The following BORCS5 variants were observed in gnomAD, a reference collection of about 807,000 sequenced individuals.
BORCS5 encodes BLOC-1 related complex subunit 5, also known as BLOC-1-related complex subunit 5.
BORCS5 carries 17 observed loss-of-function variants against 22.1 expected under a neutral mutation model. The ratio of observed to expected loss-of-function variants is 0.77; its 90% confidence interval spans 0.53 to 1.15. BORCS5 has a LOEUF of 1.15. Among genes scored for constraint, BORCS5 ranks in the 50% most tolerant of loss-of-function variants. The probability of loss-of-function intolerance (pLI) is 0.00; values close to 1 mark genes in which losing one functional copy is unlikely to be tolerated. For synonymous variants in BORCS5, 117 were observed against 99.8 expected (o/e 1.17, Z -1.03); for missense variants, 247 against 253.2 (o/e 0.98, Z 0.17).
At chr12:12,380,050 C>A (rs6488519) in intron 2 of BORCS5, among the ~76,000 whole-genome samples, 23,898 of 150,842 alleles carry the variant, frequency 0.16, 6,118 homozygotes, top group African/African-American at 0.53. Flanking sequence ...AGGGTGATAG[C>A]CGGGGGAATG....
intron 2 of BORCS5, among the ~76,000 whole-genome samples, chr12:12,406,797 T>C (rs1018968879): frequency 1.3e-4 from 11 of 81,988 alleles, no homozygotes; most frequent in Non-Finnish European, 1.0e-4. Flanking sequence ...GTTAAACACC[T>C]TTTTTTTTTT....
At chr12:12,368,634 G>A (rs1863456858) in intron 2 of BORCS5, among the ~76,000 whole-genome samples, 1 of 150,100 alleles carries the variant, frequency 6.7e-6, no homozygotes, top group Admixed American at 6.6e-5. Context: ...ATTTAGAGAT[G>A]GGGTGTCACT....
At chr12:12,407,134 G>T (rs756621032) in intron 2 of BORCS5, among the ~76,000 whole-genome samples, 7 of 152,206 alleles carry the variant, frequency 4.6e-5, no homozygotes, top group African/African-American at 7.2e-5. Flanking sequence ...CACAGTAAGA[G>T]TGAGGGCCTT....
intron 2 of BORCS5, among the ~76,000 whole-genome samples, chr12:12,376,382 C>T (rs1229710865): frequency 2.6e-5 from 4 of 151,766 alleles, no homozygotes; most frequent in South Asian, 2.1e-4. Flanking sequence ...TACAGGCGCC[C>T]GCCACCACGC....
intron 1 of BORCS5, among the ~76,000 whole-genome samples, chr12:12,359,364 C>CTTTT (rs35732827): frequency 1.7e-5 from 2 of 115,936 alleles, no homozygotes; most frequent in Non-Finnish European, 3.7e-5. Context: ...AGACTTGACT[C>CTTTT]TTTTTTTTTT....
Position 12,470,378 on chromosome 12 carries a change from G to A in BORCS5, c.*4602G>A, listed in dbSNP as rs1224698087. ...CCACTGCACCTGGCCAGCTTCGTGT[G>A]TATTTATAGCTGCTCCCCATCACTC... On this transcript the variant is annotated 3_prime_UTR_variant, in exon 4 of 4. Coordinates refer to ENST00000314565, the MANE Select transcript of BORCS5 (RefSeq NM_058169.6). Among the ~76,000 whole-genome samples the A allele has an allele frequency of 6.6e-6, 1 of 152,060 alleles. No homozygotes were observed. The highest frequency in any genetic ancestry group is 1.5e-5 in the Non-Finnish European group (1 of 67,992).
At chr12:12,454,247 A>C (rs1942961955) in intron 3 of BORCS5, among the ~76,000 whole-genome samples, 1 of 152,216 alleles carries the variant, frequency 6.6e-6, no homozygotes, top group South Asian at 2.1e-4. Flanking sequence ...CTTTTTGAGA[A>C]ACGGCCAAAC....
intron 3 of BORCS5, among the ~76,000 whole-genome samples, chr12:12,453,418 A>G (rs1003351540): frequency 1.3e-5 from 2 of 152,194 alleles, no homozygotes; most frequent in Non-Finnish European, 2.9e-5. Flanking sequence ...AGACTCAGCT[A>G]CCACCTTCCT....
chr12:12,367,827 C>A (rs1316267866), intron 2 of BORCS5, among the ~76,000 whole-genome samples: 2 of 152,238 alleles, frequency 1.3e-5, no homozygotes, highest in Non-Finnish European at 2.9e-5. Context: ...TTCACTCTTT[C>A]CATTTGCTGG....
Position 12,470,826 on chromosome 12 carries a change from C to CAT in BORCS5, c.*5050_*5051insAT, listed in dbSNP as rs1555160614. Among the ~76,000 whole-genome samples the CAT allele has an allele frequency of 6.6e-6, 1 of 151,822 alleles. No homozygotes were observed. Among genetic ancestry groups the CAT allele is most frequent in the Non-Finnish European group, 1.5e-5 (1 of 67,988 alleles). On this transcript the variant is annotated 3_prime_UTR_variant, in exon 4 of 4. Coordinates refer to ENST00000314565, the MANE Select transcript of BORCS5 (RefSeq NM_058169.6). ...TCTAGTTGCCTGCCAGGATGACCAG[C>CAT]GTTATGCTGGTGTGTGCGTGTCCAT...
chr12:12,368,735 C>T (rs1196788950), intron 2 of BORCS5, among the ~76,000 whole-genome samples: 1 of 152,074 alleles, frequency 6.6e-6, no homozygotes, highest in East Asian at 1.9e-4. Flanking sequence ...TGACCCACTG[C>T]ACCTGGCCAG....
At chr12:12,460,556 C>A (rs1040608782) in intron 3 of BORCS5, among the ~76,000 whole-genome samples, 2 of 152,042 alleles carry the variant, frequency 1.3e-5, no homozygotes, top group African/African-American at 4.8e-5. Flanking sequence ...GACATGCTTG[C>A]CTTGTTCCTA....
At chr12:12,416,253 T>C (rs1941950931) in intron 2 of BORCS5, among the ~76,000 whole-genome samples, 1 of 152,062 alleles carries the variant, frequency 6.6e-6, no homozygotes, top group Non-Finnish European at 1.5e-5. Flanking sequence ...GTCAATTTTG[T>C]TTATCTTTTT....
chr12:12,359,961 A>C (rs145779145), intron 1 of BORCS5, among the ~76,000 whole-genome samples: 99 of 152,250 alleles, frequency 6.5e-4, no homozygotes, highest in African/African-American at 2.0e-3. Flanking sequence ...ATATATATAT[A>C]TCTCAAGATA....
rs76572107 is a variant in BORCS5, at chr12:12,387,371, T to C, written c.202+26022T>C. ...TTCCCAAAGGATTTAATAAACTAAT[T>C]CATAGTAAAAACAATACTATCTGAG... On this transcript the variant is annotated intron_variant, in intron 2 of 3. Coordinates refer to ENST00000314565, the MANE Select transcript of BORCS5 (RefSeq NM_058169.6). Among the ~76,000 whole-genome samples, 1,244 of 151,678 alleles carry C rather than the reference T, an allele frequency of 8.2e-3. 45 individuals carry two copies. The highest frequency in any genetic ancestry group is 0.028 in the African/African-American group (1,172 of 41,366).
intron 2 of BORCS5, among the ~76,000 whole-genome samples, chr12:12,388,155 A>G: frequency 6.6e-6 from 1 of 151,524 alleles, no homozygotes; most frequent in South Asian, 2.1e-4. Context: ...CTTATTATGT[A>G]TATCATTAAT....
chr12:12,459,933 T>C (rs1171847851), intron 3 of BORCS5, among the ~76,000 whole-genome samples: 1 of 152,254 alleles, frequency 6.6e-6, no homozygotes, highest in Non-Finnish European at 1.5e-5. Context: ...CTATCCTGAT[T>C]ACTGTAGTTT....
At chr12:12,465,003 A>G (rs1366689096) in intron 3 of BORCS5, among the ~76,000 whole-genome samples, 1 of 152,134 alleles carries the variant, frequency 6.6e-6, no homozygotes, top group African/African-American at 2.4e-5. Flanking sequence ...ACAGGGTCTC[A>G]CTGTGTCGCC....
At chr12:12,402,065 C>CAAAAAAA in intron 2 of BORCS5, among the ~76,000 whole-genome samples, 1 of 94,340 alleles carries the variant, frequency 1.1e-5, no homozygotes, top group African/African-American at 3.4e-5. Context: ...GACTCCGTCT[C>CAAAAAAA]AAAAAAAAAA....
Sources: allele counts gnomAD v4.1 joint callset (sites outside exome capture counted in the v4.1 genomes callset), GRCh38; gene constraint gnomAD v4.1.1; transcripts MANE v1.5; gene names NCBI Gene and HGNC (gene_info 2026-07-23, HGNC 2026-07-21).